Variants in LPP observed in about 807,000 individuals in gnomAD.
The protein encoded by LPP is LIM domain containing preferred translocation partner in lipoma, also known as lipoma-preferred partner.
A neutral mutation model predicts 60.4 loss-of-function variants in LPP; 38 were observed. That is an observed-to-expected ratio of 0.63 (90% CI 0.49 to 0.83). The LOEUF is 0.83. Among genes scored for constraint, LPP ranks in the 40% least tolerant of loss-of-function variants. The pLI is 0.00. For synonymous variants in LPP, 328 were observed against 290.8 expected, an observed-to-expected ratio of 1.13 and a Z score of -1.30; for missense variants, 902 against 783.6, an observed-to-expected ratio of 1.15 and a Z score of -1.80.
intron 5 of LPP, among the ~76,000 whole-genome samples, chr3:188,492,477 C>A (rs1808672496): frequency 6.6e-6 from 1 of 152,018 alleles, no homozygotes; most frequent in Non-Finnish European, 1.5e-5. Context: ...GGTGGATTAC[C>A]TGAGGTCAAG....
intron 4 of LPP, among the ~76,000 whole-genome samples, chr3:188,412,410 A>G (rs1045637381): frequency 6.6e-6 from 1 of 152,138 alleles, no homozygotes. Context: ...ACTCTTTTAT[A>G]GTTTATTTAG....
chr3:188,801,070 C>T (rs895580569), intron 9 of LPP, among the ~76,000 whole-genome samples: 5 of 152,120 alleles, frequency 3.3e-5, no homozygotes, highest in African/African-American at 9.7e-5. Flanking sequence ...ACACACTGAT[C>T]GAACAGAATA....
At chr3:188,266,839 C>T (rs1163036692) in intron 2 of LPP, among the ~76,000 whole-genome samples, 1 of 152,124 alleles carries the variant, frequency 6.6e-6, no homozygotes. Flanking sequence ...CGTTACTGAG[C>T]AGATTACAGA....
intron 2 of LPP, among the ~76,000 whole-genome samples, chr3:188,262,316 A>G (rs966278297): frequency 6.6e-6 from 1 of 151,718 alleles, no homozygotes; most frequent in African/African-American, 2.4e-5. Flanking sequence ...TAAAATAGAT[A>G]TTGAAAATAG....
At chr3:188,679,262 G>A (rs1256870460) in intron 7 of LPP, among the ~76,000 whole-genome samples, 1 of 152,110 alleles carries the variant, frequency 6.6e-6, no homozygotes, top group East Asian at 1.9e-4. Flanking sequence ...GAAGTGATTA[G>A]AACAGATGCA....
chr3:188,332,213 A>G (rs1456033957), intron 2 of LPP, among the ~76,000 whole-genome samples: 7 of 152,102 alleles, frequency 4.6e-5, no homozygotes, highest in Admixed American at 6.5e-5. Flanking sequence ...CTTCTATGTG[A>G]ATTTTCGCAG....
chr3:188,168,467 G>A (rs1457087766), intron 1 of LPP, among the ~76,000 whole-genome samples: 1 of 152,094 alleles, frequency 6.6e-6, no homozygotes, highest in East Asian at 1.9e-4. Flanking sequence ...AGAAAACATG[G>A]TCACCTGGTT....
intron 3 of LPP, among the ~76,000 whole-genome samples, chr3:188,376,191 G>T (rs1209286895): frequency 4.6e-5 from 7 of 152,028 alleles, no homozygotes; most frequent in Non-Finnish European, 7.4e-5. Flanking sequence ...GTCGATTTGG[G>T]GTGGAGAGTT....
chr3:188,516,643 GAAAAGTCATTCTC>G (rs1410279612), intron 5 of LPP, among the ~76,000 whole-genome samples: 1 of 151,104 alleles, frequency 6.6e-6, no homozygotes, highest in African/African-American at 2.5e-5. Flanking sequence ...AATCCACTTA[GAAAAGTCATTCTC>G]AAAGTGAGAA....
At position 188,785,547 on chromosome 3, in the gene LPP, T is replaced by TATATATATATATATATATATACACACAC. The variant is rs1206082559; in HGVS notation, c.1410+25266_1410+25267insTATATATATATATATATATACACACACA. ...ATATATATTCCATCATATATATATA[T>TATATATATATATATATATATACACACAC]ACACACACACACACACACACACACA... On this transcript the variant is annotated intron_variant, in intron 9 of 11. Coordinates refer to ENST00000617246, the MANE Select transcript of LPP (RefSeq NM_001375462.1). Among the ~76,000 whole-genome samples the TATATATATATATATATATATACACACAC allele has an allele frequency of 9.1e-5, 4 of 43,846 alleles. 1 individual carries two copies. The highest frequency in any genetic ancestry group is 2.5e-3 in the East Asian group (1 of 406). The allele number at this position is 43,846 out of a possible 152,430, so 28.8% of individuals were successfully genotyped here. A position where few individuals can be genotyped will look rare whatever the true frequency, so the allele number is the denominator to read the frequency against.
At chr3:188,588,231 C>G (rs1297115288) in intron 6 of LPP, among the ~76,000 whole-genome samples, 2 of 152,172 alleles carry the variant, frequency 1.3e-5, no homozygotes, top group African/African-American at 4.8e-5. Context: ...CTCAGCTAAA[C>G]AGAAGTAATT....
chr3:188,736,142 A>G (rs1228188063), intron 8 of LPP, among the ~76,000 whole-genome samples: 1 of 152,216 alleles, frequency 6.6e-6, no homozygotes, highest in Non-Finnish European at 1.5e-5. Context: ...TAAAAACTTT[A>G]TTGATCTGAT....
intron 8 of LPP, among the ~76,000 whole-genome samples, chr3:188,728,778 T>A (rs1393691249): frequency 2.0e-5 from 3 of 152,066 alleles, no homozygotes; most frequent in Non-Finnish European, 2.9e-5. Flanking sequence ...CAGTAGATTA[T>A]AAGGTTATTT....
At chr3:188,569,412 T>C (rs919325251) in intron 6 of LPP, among the ~76,000 whole-genome samples, 2 of 151,976 alleles carry the variant, frequency 1.3e-5, no homozygotes, top group African/African-American at 4.8e-5. Context: ...TAGAAGTATG[T>C]CATCTGTATT....
At chr3:188,221,671 A>G (rs1000102232) in intron 1 of LPP, among the ~76,000 whole-genome samples, 1 of 152,190 alleles carries the variant, frequency 6.6e-6, no homozygotes, top group African/African-American at 2.4e-5. Context: ...TGTTTCCCAC[A>G]TACCAGTAGA....
At chr3:188,635,223 G>T (rs1042774298) in intron 7 of LPP, among the ~76,000 whole-genome samples, 2 of 152,202 alleles carry the variant, frequency 1.3e-5, no homozygotes, top group Non-Finnish European at 2.9e-5. Flanking sequence ...GCATTCAGAA[G>T]TCTCTAACTC....
At chr3:188,842,425 T>A (rs377477284) in intron 9 of LPP, among the ~76,000 whole-genome samples, 12 of 152,208 alleles carry the variant, frequency 7.9e-5, no homozygotes, top group Non-Finnish European at 1.5e-4. Flanking sequence ...TGGTTATTAA[T>A]CTCTTGTCAA....
intron 4 of LPP, 36 bp downstream of exon 4, chr3:188,406,349 T>G: frequency 6.3e-7 from 1 of 1,579,260 alleles, no homozygotes; most frequent in African/African-American, 1.4e-5. Flanking sequence ...TTACTTGGAG[T>G]AGGAAAATTC....
intron 9 of LPP, among the ~76,000 whole-genome samples, chr3:188,799,225 A>T (rs566535751): frequency 2.1e-4 from 32 of 152,256 alleles, no homozygotes; most frequent in Admixed American, 3.9e-4. Context: ...CCTGTAACTA[A>T]TAAAGTCTTG....
Sources: gnomAD v4.1 joint callset for allele counts (sites outside exome capture counted in the v4.1 genomes callset) on GRCh38, gnomAD v4.1.1 for gene constraint, MANE v1.5 for transcripts, NCBI Gene and HGNC (gene_info 2026-07-23, HGNC 2026-07-21) for gene names.